Variants in MAML2 observed in about 807,000 individuals in gnomAD.
The protein encoded by MAML2 is mastermind like transcriptional coactivator 2.
In MAML2, 22 loss-of-function variants were observed where a neutral mutation model predicts 96.1. The observed-to-expected ratio is 0.23, with a 90% CI of 0.16 to 0.33. The LOEUF (loss-of-function observed/expected upper bound fraction) is 0.33. Among genes scored for constraint, MAML2 ranks in the 10% least tolerant of loss-of-function variants. The probability of loss-of-function intolerance (pLI) is 1.00; values close to 1 mark genes in which losing one functional copy is unlikely to be tolerated. For synonymous variants in MAML2, 561 were observed against 521.3 expected (o/e 1.08, Z -1.04); for missense variants, 1,367 against 1,392.4 (o/e 0.98, Z 0.29).
At chr11:96,194,995 A>T (rs557382887) in intron 1 of MAML2, among the ~76,000 whole-genome samples, 2 of 152,306 alleles carry the variant, frequency 1.3e-5, no homozygotes, top group East Asian at 3.9e-4. Context: ...TCACATCTTG[A>T]ACTTGTTTTT....
At chr11:96,039,246 C>A (rs1858766717) in intron 2 of MAML2, among the ~76,000 whole-genome samples, 1 of 149,940 alleles carries the variant, frequency 6.7e-6, no homozygotes, top group Non-Finnish European at 1.5e-5. Context: ...CAGAGCAAGA[C>A]CAACTCAGAA....
chr11:96,132,343 A>G (rs1291800100), intron 1 of MAML2, among the ~76,000 whole-genome samples: 1 of 152,238 alleles, frequency 6.6e-6, no homozygotes, highest in Non-Finnish European at 1.5e-5. Flanking sequence ...AGCAGTGAAC[A>G]AGACAGACAA....
chr11:96,196,125 T>A (rs1861726709), intron 1 of MAML2, among the ~76,000 whole-genome samples: 1 of 152,080 alleles, frequency 6.6e-6, no homozygotes, highest in South Asian at 2.1e-4. Context: ...TGTTAGAGAG[T>A]AAATGTAAGT....
Position 96,342,148 on chromosome 11 carries a change from C to G in MAML2, c.-253G>C. 1 of 514,152 alleles carries G rather than the reference C, an allele frequency of 1.9e-6. No homozygotes were observed. The highest frequency in any genetic ancestry group is 3.4e-6 in the Non-Finnish European group (1 of 291,554). 31.8% of individuals were successfully genotyped at this position (514,152 alleles called of 1,614,324 possible). A position where few individuals can be genotyped will look rare whatever the true frequency, so the allele number is the denominator to read the frequency against. ...GGAAACAAACCCTGATTAACTTACT[C>G]TAATTGCATTTGACAGCTCTGGAGA... is the stretch of plus-strand genomic sequence containing the variant. On this transcript the variant is annotated 5_prime_UTR_variant, in exon 1 of 5. Coordinates refer to ENST00000524717, the MANE Select transcript of MAML2 (RefSeq NM_032427.4).
At chr11:96,302,854 T>C (rs191640027) in intron 1 of MAML2, among the ~76,000 whole-genome samples, 3 of 152,334 alleles carry the variant, frequency 2.0e-5, no homozygotes, top group African/African-American at 7.2e-5. Context: ...TTCATAATCA[T>C]ATTTTTACAT....
chr11:96,180,747 T>C (rs6483486), intron 1 of MAML2, among the ~76,000 whole-genome samples: 38,264 of 152,126 alleles, frequency 0.25, 5,104 homozygotes, highest in East Asian at 0.49. Context: ...CCTTCATGTG[T>C]GTCCGTGTGA....
intron 1 of MAML2, among the ~76,000 whole-genome samples, chr11:96,214,462 A>G (rs1037603167): frequency 6.6e-6 from 1 of 152,190 alleles, no homozygotes; most frequent in African/African-American, 2.4e-5. Flanking sequence ...AAAGAATGTA[A>G]TCTCTCTAGA....
At chr11:96,186,629 A>C (rs1401586095) in intron 1 of MAML2, among the ~76,000 whole-genome samples, 1 of 152,154 alleles carries the variant, frequency 6.6e-6, no homozygotes, top group Non-Finnish European at 1.5e-5. Flanking sequence ...ATGCAATGAT[A>C]ATTATTTTGT....
chr11:96,096,435 G>C (rs922984829), intron 1 of MAML2, among the ~76,000 whole-genome samples: 3 of 152,156 alleles, frequency 2.0e-5, no homozygotes, highest in Non-Finnish European at 4.4e-5. Context: ...TCTATATAAA[G>C]TTGATATTAT....
intron 2 of MAML2, among the ~76,000 whole-genome samples, chr11:96,088,527 G>A (rs560561134): frequency 9.2e-5 from 14 of 152,228 alleles, no homozygotes; most frequent in African/African-American, 2.4e-4. Context: ...TTGCATCCCC[G>A]TCTTGCCCTA....
intron 1 of MAML2, among the ~76,000 whole-genome samples, chr11:96,262,865 T>C (rs535146133): frequency 1.2e-4 from 18 of 152,380 alleles, no homozygotes; most frequent in Non-Finnish European, 1.9e-4. Context: ...ATCTCAGCTT[T>C]CTGCACCTTC....
chr11:96,035,588 G>A (rs1271428686), intron 2 of MAML2, among the ~76,000 whole-genome samples: 1 of 152,138 alleles, frequency 6.6e-6, no homozygotes. Context: ...TCTTTGTAGA[G>A]GAAACTTCAG....
At chr11:96,274,077 C>CTTT (rs992096555) in intron 1 of MAML2, among the ~76,000 whole-genome samples, 161 of 91,758 alleles carry the variant, frequency 1.8e-3, no homozygotes, top group South Asian at 2.2e-3. Context: ...TTTCCTTTTC[C>CTTT]TTTTTTTTTT....
rs546533228 is a variant in MAML2, at chr11:96,338,352, C to T, written c.513+3031G>A. Among the ~76,000 whole-genome samples, 235 of 152,360 alleles carry T rather than the reference C, an allele frequency of 1.5e-3. 1 individual carries two copies. The highest frequency in any genetic ancestry group is 2.8e-3 in the Non-Finnish European group (188 of 68,028). On this transcript the variant is annotated intron_variant, in intron 1 of 4. Transcript: ENST00000524717. ...CAGACTCTGCAGCAGCGGGGCTTCCCCTGAACTTGTACTTGAGCTAAATGA... is the reference window on the plus strand; with the variant it reads ...CAGACTCTGCAGCAGCGGGGCTTCCTCTGAACTTGTACTTGAGCTAAATGA...
rs138729116 is a variant in MAML2, at chr11:96,148,242, C to T, written c.514-54725G>A. 3.2e-3 allele frequency among the ~76,000 whole-genome samples: 484 copies of T among 152,182 alleles called. 1 individual carries two copies. The highest frequency in any genetic ancestry group is 0.01 in the Middle Eastern group (3 of 294). On this transcript the variant is annotated intron_variant, in intron 1 of 4. Coordinates refer to ENST00000524717, the MANE Select transcript of MAML2 (RefSeq NM_032427.4). Reference sequence around the variant, plus strand: ...TATTGGGTTTTGTCTGCCTGTCTCCCGTGGACATAAAGAATTGTTCTGTTC... The same window carrying T: ...TATTGGGTTTTGTCTGCCTGTCTCCTGTGGACATAAAGAATTGTTCTGTTC...
intron 2 of MAML2, among the ~76,000 whole-genome samples, chr11:95,998,122 A>ATCTGTCAG (rs1554993527): frequency 8.5e-6 from 1 of 117,384 alleles, no homozygotes; most frequent in African/African-American, 3.1e-5. Flanking sequence ...TTTTCTATCT[A>ATCTGTCAG]TCTGTCTGTC....
At chr11:96,010,483 G>A (rs1858249098) in intron 2 of MAML2, among the ~76,000 whole-genome samples, 1 of 152,152 alleles carries the variant, frequency 6.6e-6, no homozygotes, top group Non-Finnish European at 1.5e-5. Context: ...AACATTCATA[G>A]TTACCTGTAG....
chr11:96,030,322 C>G (rs1367142584), intron 2 of MAML2, among the ~76,000 whole-genome samples: 1 of 151,894 alleles, frequency 6.6e-6, no homozygotes, highest in Non-Finnish European at 1.5e-5. Context: ...GGGGGAATTA[C>G]TCTACCAGGT....
intron 1 of MAML2, among the ~76,000 whole-genome samples, chr11:96,217,614 A>G: frequency 6.6e-6 from 1 of 152,260 alleles, no homozygotes; most frequent in Non-Finnish European, 1.5e-5. Flanking sequence ...AAAGAATAAG[A>G]CAGGACAGAG....
Sources: gnomAD v4.1 joint callset for allele counts (sites outside exome capture counted in the v4.1 genomes callset) on GRCh38, gnomAD v4.1.1 for gene constraint, MANE v1.5 for transcripts, NCBI Gene and HGNC (gene_info 2026-07-23, HGNC 2026-07-21) for gene names.